The following PPP3CA variants were observed in gnomAD, a reference collection of about 807,000 sequenced individuals.
The protein encoded by PPP3CA is CAM-PRP catalytic subunit.
PPP3CA carries 14 observed loss-of-function variants against 66.5 expected under a neutral mutation model. The ratio of observed to expected loss-of-function variants is 0.21; its 90% confidence interval spans 0.14 to 0.33. The LOEUF (loss-of-function observed/expected upper bound fraction) is 0.33. PPP3CA is among the 10% of genes least tolerant of loss of function. PPP3CA has a pLI of 1.00. For missense variants in PPP3CA, 317 were observed against 639.5 expected, an observed-to-expected ratio of 0.50 and a Z score of 5.44; for synonymous variants, 232 against 226.2, an observed-to-expected ratio of 1.03 and a Z score of -0.23.
intron 5 of PPP3CA, among the ~76,000 whole-genome samples, chr4:101,094,256 C>T (rs1252997463): frequency 6.6e-6 from 1 of 152,120 alleles, no homozygotes; most frequent in Non-Finnish European, 1.5e-5. Context: ...CTTACTTTAT[C>T]TATCCAAATG....
intron 2 of PPP3CA, among the ~76,000 whole-genome samples, chr4:101,166,541 A>G (rs1723699482): frequency 6.6e-6 from 1 of 152,160 alleles, no homozygotes; most frequent in Non-Finnish European, 1.5e-5. Context: ...AAGAAAACTA[A>G]ATTTCCTGAA....
intron 1 of PPP3CA, among the ~76,000 whole-genome samples, chr4:101,326,123 G>T (rs1252145593): frequency 2.0e-5 from 3 of 152,146 alleles, no homozygotes; most frequent in African/African-American, 7.2e-5. Context: ...GCGACAGAGT[G>T]AGACTCTGTC....
At chr4:101,313,264 C>T (rs1176858964) in intron 1 of PPP3CA, among the ~76,000 whole-genome samples, 9 of 152,022 alleles carry the variant, frequency 5.9e-5, no homozygotes, top group Non-Finnish European at 1.3e-4. Context: ...TGTCCTGAAA[C>T]AATTCTCCTA....
intron 2 of PPP3CA, among the ~76,000 whole-genome samples, chr4:101,176,051 T>C (rs1025727016): frequency 2.0e-5 from 3 of 152,086 alleles, no homozygotes; most frequent in African/African-American, 7.2e-5. Context: ...GGGGTAGTCA[T>C]GGAAGGCACA....
At chr4:101,032,584 A>AATT (rs1727024374) in intron 11 of PPP3CA, among the ~76,000 whole-genome samples, 1 of 152,112 alleles carries the variant, frequency 6.6e-6, no homozygotes, top group South Asian at 2.1e-4. Flanking sequence ...TACATTATCC[A>AATT]ATTAGGGAGG....
intron 1 of PPP3CA, among the ~76,000 whole-genome samples, chr4:101,333,453 C>CA (rs1729511424): frequency 1.3e-5 from 2 of 151,570 alleles, no homozygotes; most frequent in African/African-American, 4.8e-5. Flanking sequence ...CTCATATTAT[C>CA]AAACTAATTT....
chr4:101,067,356 G>A (rs571528443), intron 8 of PPP3CA, among the ~76,000 whole-genome samples: 47 of 152,064 alleles, frequency 3.1e-4, no homozygotes, highest in Non-Finnish European at 5.3e-4. Context: ...AATGGGGAAG[G>A]CGGACTGAAC....
At chr4:101,132,833 C>G (rs559611811) in intron 2 of PPP3CA, among the ~76,000 whole-genome samples, 22 of 152,244 alleles carry the variant, frequency 1.4e-4, no homozygotes, top group African/African-American at 4.8e-4. Context: ...TGATGGACAT[C>G]TATTCAAAAA....
intron 1 of PPP3CA, among the ~76,000 whole-genome samples, chr4:101,229,500 C>G (rs1444053196): frequency 6.6e-6 from 1 of 151,714 alleles, no homozygotes; most frequent in Admixed American, 6.6e-5. Flanking sequence ...CCTCTTCTCT[C>G]TAAAAGTTCT....
Position 101,347,372 on chromosome 4 carries a change from T to G in PPP3CA, c.-576A>C. 2 of 191,840 alleles carry G rather than the reference T, an allele frequency of 1.0e-5. No individual in the cohort carries two copies. Among genetic ancestry groups the G allele is most frequent in the Non-Finnish European group, 2.1e-5 (2 of 95,440 alleles). The allele number at this position is 191,840 out of a possible 1,614,324, so 11.9% of individuals were successfully genotyped here. ...CCGCTGTTGCTGCTGCCGCTGCCCC[T>G]GCTTCTCCACACAGAGCGCCGCCGC... On this transcript the variant is annotated 5_prime_UTR_variant, in exon 1 of 14. Transcript: ENST00000394854.
At chr4:101,210,330 T>C (rs1725262576) in intron 1 of PPP3CA, among the ~76,000 whole-genome samples, 1 of 152,158 alleles carries the variant, frequency 6.6e-6, no homozygotes, top group African/African-American at 2.4e-5. Flanking sequence ...TCTTCAAGCT[T>C]TTCAGAGACA....
chr4:101,193,303 A>T (rs1560650950), intron 2 of PPP3CA, among the ~76,000 whole-genome samples: 1 of 152,214 alleles, frequency 6.6e-6, no homozygotes, highest in African/African-American at 2.4e-5. Context: ...ACAGTTTTTC[A>T]ACGTTCCATT....
chr4:101,106,328 G>A (rs1730670790), intron 3 of PPP3CA, among the ~76,000 whole-genome samples: 1 of 147,504 alleles, frequency 6.8e-6, no homozygotes, highest in South Asian at 2.2e-4. Context: ...CTACTGCATT[G>A]TAGCCTGGGT....
At chr4:101,080,665 GA>G in intron 7 of PPP3CA, 39 bp from the exon 8 acceptor site, 2 of 1,237,266 alleles carry the variant, frequency 1.6e-6, no homozygotes, top group South Asian at 1.9e-5. Flanking sequence ...AGCTTGTATG[GA>G]AAAAAGATAA....
At chr4:101,266,166 A>G (rs571730053) in intron 1 of PPP3CA, among the ~76,000 whole-genome samples, 10 of 152,244 alleles carry the variant, frequency 6.6e-5, no homozygotes, top group African/African-American at 2.4e-4. Context: ...TATTTCCTCT[A>G]CTTTTCATGA....
intron 2 of PPP3CA, among the ~76,000 whole-genome samples, chr4:101,168,421 T>C (rs1243403496): frequency 6.6e-6 from 1 of 152,096 alleles, no homozygotes; most frequent in African/African-American, 2.4e-5. Context: ...AGGACCGGGC[T>C]AAAGATGAGA....
intron 2 of PPP3CA, among the ~76,000 whole-genome samples, chr4:101,109,897 C>T (rs886937622): frequency 6.6e-6 from 1 of 151,984 alleles, no homozygotes; most frequent in Non-Finnish European, 1.5e-5. Context: ...ACTTTCAGAA[C>T]TCTAAAAATA....
chr4:101,088,514 G>A (rs1041447057), intron 6 of PPP3CA, among the ~76,000 whole-genome samples: 1 of 149,898 alleles, frequency 6.7e-6, no homozygotes, highest in Non-Finnish European at 1.5e-5. Flanking sequence ...GAACCCAGGA[G>A]GCAGAGCTTG....
At chr4:101,133,047 C>A (rs1722500153) in intron 2 of PPP3CA, among the ~76,000 whole-genome samples, 1 of 101,024 alleles carries the variant, frequency 9.9e-6, no homozygotes, top group Non-Finnish European at 1.8e-5. Context: ...TAAAATTCAA[C>A]ACTCCTTCAT....
Sources: allele counts gnomAD v4.1 joint callset (sites outside exome capture counted in the v4.1 genomes callset), GRCh38; gene constraint gnomAD v4.1.1; transcripts MANE v1.5; gene names NCBI Gene and HGNC (gene_info 2026-07-23, HGNC 2026-07-21).